LOC400499: variants seen among roughly 807,000 people sequenced by gnomAD.
At chr16:11,467,818 A>T in the LOC400499 span, among the ~76,000 whole-genome samples, 1 of 152,222 alleles carries the variant, frequency 6.6e-6, no homozygotes, top group Non-Finnish European at 1.5e-5. Context: ...AAGATGCCGA[A>T]ACCCTAAGCC....
the LOC400499 span, among the ~76,000 whole-genome samples, chr16:11,491,254 A>AT: frequency 6.6e-6 from 1 of 152,138 alleles, no homozygotes; most frequent in African/African-American, 2.4e-5. Context: ...AGTTGAACTT[A>AT]TTTTTTTGAA....
chr16:11,501,415 T>C, the LOC400499 span, among the ~76,000 whole-genome samples: 1 of 152,166 alleles, frequency 6.6e-6, no homozygotes, highest in Admixed American at 6.5e-5. Flanking sequence ...TGCAGTGCAG[T>C]GGTGCGATCA....
At chr16:11,488,756 G>A in the LOC400499 span, 1 of 399,004 alleles carries the variant, frequency 2.5e-6, no homozygotes, top group East Asian at 3.6e-5. Context: ...CCACATTTCT[G>A]GGTGGAACTC....
At chr16:11,512,803 C>T in the LOC400499 span, among the ~76,000 whole-genome samples, 2 of 152,266 alleles carry the variant, frequency 1.3e-5, no homozygotes, top group East Asian at 3.9e-4. Context: ...CCTGGCAAGC[C>T]TGGATGCCCC....
At chr16:11,411,029 C>T in the LOC400499 span, among the ~76,000 whole-genome samples, 1 of 152,254 alleles carries the variant, frequency 6.6e-6, no homozygotes, top group Non-Finnish European at 1.5e-5. Context: ...GGCTTGTGAG[C>T]CTGACTGGGG....
At chr16:11,471,884 C>T in the LOC400499 span, 13 of 398,756 alleles carry the variant, frequency 3.3e-5, 1 homozygote, top group Middle Eastern at 6.2e-4. Context: ...CATGGGTGCC[C>T]GCAGCTGCCA....
the LOC400499 span, chr16:11,385,093 G>A: frequency 2.4e-6 from 3 of 1,232,134 alleles, no homozygotes; most frequent in Non-Finnish European, 3.0e-6. Context: ...CTGGGCAGGA[G>A]GTCTGACCCA....
chr16:11,489,038 A>G, the LOC400499 span, among the ~76,000 whole-genome samples: 1 of 152,230 alleles, frequency 6.6e-6, no homozygotes, highest in Non-Finnish European at 1.5e-5. Flanking sequence ...AACAGCAGCC[A>G]ACAAGTCGTG....
chr16:11,431,095 G>A, the LOC400499 span: 12 of 398,902 alleles, frequency 3.0e-5, no homozygotes, highest in Admixed American at 8.8e-5. Context: ...GCGGGGCATC[G>A]CTGCCCAGCC....
the LOC400499 span, chr16:11,446,999 C>T: frequency 7.1e-7 from 1 of 1,404,832 alleles, no homozygotes. Flanking sequence ...CAGCCTGGGC[C>T]TGTCACGAGC....
At chr16:11,464,295 G>C in the LOC400499 span, among the ~76,000 whole-genome samples, 1 of 152,358 alleles carries the variant, frequency 6.6e-6, no homozygotes, top group South Asian at 2.1e-4. Flanking sequence ...CCTGCTGGCA[G>C]GCACATTCGA....
chr16:11,425,573 A>G, the LOC400499 span: 1 of 397,616 alleles, frequency 2.5e-6, no homozygotes, highest in Non-Finnish European at 4.4e-6. Context: ...GAAATGGCAC[A>G]TTTGTGAAAT....
chr16:11,493,109 G>C, the LOC400499 span, among the ~76,000 whole-genome samples: 14 of 152,138 alleles, frequency 9.2e-5, no homozygotes, highest in East Asian at 2.7e-3. Context: ...AGGCCCAGAG[G>C]TCAGATCCCT....
chr16:11,490,855 G>A, the LOC400499 span, among the ~76,000 whole-genome samples: 5 of 152,170 alleles, frequency 3.3e-5, no homozygotes, highest in African/African-American at 9.7e-5. Flanking sequence ...TGTATCTTCA[G>A]GACATAGGAA....
chr16:11,511,892 T>A, the LOC400499 span, among the ~76,000 whole-genome samples: 1 of 151,968 alleles, frequency 6.6e-6, no homozygotes, highest in Non-Finnish European at 1.5e-5. Flanking sequence ...CCAGGCATGG[T>A]GGCGCACAGC....
chr16:11,488,981 C>A, the LOC400499 span: 3 of 396,220 alleles, frequency 7.6e-6, no homozygotes, highest in Admixed American at 1.3e-4. Flanking sequence ...TTCCCACGCA[C>A]GGGGGCTTCT....
At chr16:11,373,802 T>G in the LOC400499 span, among the ~76,000 whole-genome samples, 1 of 152,052 alleles carries the variant, frequency 6.6e-6, no homozygotes, top group South Asian at 2.1e-4. Flanking sequence ...ATATTTTTAG[T>G]AGAGACAGGG....
the LOC400499 span, chr16:11,383,932 G>A: frequency 1.6e-6 from 2 of 1,231,806 alleles, no homozygotes; most frequent in African/African-American, 3.1e-5. Flanking sequence ...CTCGAAGAAG[G>A]CCCAGCAGGC....
chr16:11,461,069 C>T, the LOC400499 span: 81 of 1,535,992 alleles, frequency 5.3e-5, no homozygotes, highest in Non-Finnish European at 6.8e-5. Context: ...AACAGCTCGG[C>T]ACCCAGGGCG....
Sources: gnomAD v4.1 joint callset for allele counts (sites outside exome capture counted in the v4.1 genomes callset) on GRCh38, gnomAD v4.1.1 for gene constraint, MANE v1.5 for transcripts.